PTPRD: variants seen among roughly 807,000 people sequenced by gnomAD.
The protein encoded by PTPRD is receptor-type tyrosine-protein phosphatase delta.
Under a neutral mutation model 214.5 loss-of-function variants are expected in PTPRD, and 34 were observed. That is an observed-to-expected ratio of 0.16 (90% CI 0.12 to 0.21). PTPRD has a LOEUF of 0.21. PTPRD is among the 10% of genes least tolerant of loss of function. The pLI is 1.00. For missense variants in PTPRD, 2,545 were observed against 2,398.7 expected, an observed-to-expected ratio of 1.06 and a Z score of -1.27; for synonymous variants, 1,128 against 845.7, an observed-to-expected ratio of 1.33 and a Z score of -5.79.
chr9:8,993,336 G>T (rs1407279502), intron 11 of PTPRD, among the ~76,000 whole-genome samples: 2 of 152,030 alleles, frequency 1.3e-5, no homozygotes, highest in Non-Finnish European at 1.5e-5. Flanking sequence ...GAAATTTAAA[G>T]GATTAAAATA....
chr9:9,167,173 A>T (rs2099905998), intron 10 of PTPRD, among the ~76,000 whole-genome samples: 1 of 152,012 alleles, frequency 6.6e-6, no homozygotes, highest in South Asian at 2.1e-4. Flanking sequence ...TTATTGTATT[A>T]TATTTGTTTA....
chr9:8,741,785 T>G (rs1320147079), intron 11 of PTPRD, among the ~76,000 whole-genome samples: 1 of 151,858 alleles, frequency 6.6e-6, no homozygotes, highest in Non-Finnish European at 1.5e-5. Context: ...GAGACAGGAT[T>G]TCACTATATT....
intron 8 of PTPRD, among the ~76,000 whole-genome samples, chr9:9,455,667 A>C (rs937078728): frequency 1.3e-5 from 2 of 151,736 alleles, no homozygotes; most frequent in Non-Finnish European, 3.0e-5. Flanking sequence ...GCTTTCCCAA[A>C]GAAGCAAAGA....
At chr9:9,056,270 G>T (rs563133375) in intron 10 of PTPRD, among the ~76,000 whole-genome samples, 1 of 152,236 alleles carries the variant, frequency 6.6e-6, no homozygotes, top group East Asian at 1.9e-4. Context: ...TACATTTATG[G>T]ATGATCAGAA....
chr9:8,728,778 G>A (rs2098618854), intron 12 of PTPRD, among the ~76,000 whole-genome samples: 1 of 152,052 alleles, frequency 6.6e-6, no homozygotes, highest in African/African-American at 2.4e-5. Flanking sequence ...TTCGAAGTTC[G>A]AGACCAGCCT....
At chr9:9,788,510 C>T (rs2154494186) in intron 5 of PTPRD, among the ~76,000 whole-genome samples, 1 of 147,428 alleles carries the variant, frequency 6.8e-6, no homozygotes, top group Admixed American at 6.8e-5. Flanking sequence ...CGAGATCGGG[C>T]CACGGCACTC....
chr9:9,748,611 C>A (rs549889703), intron 6 of PTPRD, among the ~76,000 whole-genome samples: 2 of 152,300 alleles, frequency 1.3e-5, no homozygotes, highest in Admixed American at 1.3e-4. Flanking sequence ...GAAGGAACTA[C>A]AACCAATTTC....
chr9:8,375,408 T>G (rs991327380), intron 39 of PTPRD, among the ~76,000 whole-genome samples: 1 of 152,064 alleles, frequency 6.6e-6, no homozygotes, highest in Admixed American at 6.6e-5. Flanking sequence ...TATATTCTAT[T>G]AAATACATTT....
Position 10,263,647 on chromosome 9 carries a change from G to A in PTPRD, c.-545+77316C>T, listed in dbSNP as rs191220835. Among the ~76,000 whole-genome samples, 479 of 152,228 alleles carry A rather than the reference G, an allele frequency of 3.1e-3. 1 individual carries two copies. The highest frequency in any genetic ancestry group is 4.8e-3 in the Non-Finnish European group (324 of 68,016). ...GTTCAAGAGGAAGCAAAAAATAAGA[G>A]TTTGGAAAATTTGCAGCCTGACAAT... On this transcript the variant is annotated intron_variant, in intron 3 of 45. Coordinates refer to ENST00000381196, the MANE Select transcript of PTPRD (RefSeq NM_002839.4).
intron 9 of PTPRD, among the ~76,000 whole-genome samples, chr9:9,346,633 T>C (rs2048910114): frequency 6.6e-6 from 1 of 152,156 alleles, no homozygotes; most frequent in Admixed American, 6.6e-5. Flanking sequence ...TCTATGTTTT[T>C]GAATTGTGCC....
intron 8 of PTPRD, among the ~76,000 whole-genome samples, chr9:9,570,300 T>C (rs192980833): frequency 1.4e-4 from 22 of 151,736 alleles, no homozygotes; most frequent in Admixed American, 1.3e-3. Context: ...GTCCAAATAA[T>C]GCACAGTAAT....
At chr9:8,957,599 T>C (rs931091756) in intron 11 of PTPRD, among the ~76,000 whole-genome samples, 1 of 151,908 alleles carries the variant, frequency 6.6e-6, no homozygotes, top group Non-Finnish European at 1.5e-5. Flanking sequence ...GCACGATTCC[T>C]TGTATCTTTA....
At chr9:10,487,396 C>G (rs1371421183) in intron 2 of PTPRD, among the ~76,000 whole-genome samples, 1 of 152,052 alleles carries the variant, frequency 6.6e-6, no homozygotes, top group Non-Finnish European at 1.5e-5. Flanking sequence ...CCTGTCTTCT[C>G]TTTAGTTAAG....
rs189611606 is a variant in PTPRD, at chr9:9,751,615, C to T, written c.-326+15195G>A. Among the ~76,000 whole-genome samples, 6 of 152,086 alleles carry T rather than the reference C, an allele frequency of 3.9e-5. No homozygotes were observed. In the East Asian group the frequency reaches 5.8e-4, roughly 15 times the overall value. On this transcript the variant is annotated intron_variant, in intron 6 of 45. Transcript: ENST00000381196. Reference sequence around the variant, plus strand: ...TGGACCACTTATCCAACATAACTAGCGTCCTTTTAAAAAGAATAACGTGAA... The same window carrying T: ...TGGACCACTTATCCAACATAACTAGTGTCCTTTTAAAAAGAATAACGTGAA...
intron 6 of PTPRD, among the ~76,000 whole-genome samples, chr9:9,747,375 C>A: frequency 6.6e-6 from 1 of 152,100 alleles, no homozygotes; most frequent in East Asian, 1.9e-4. Flanking sequence ...GCAACTCGTG[C>A]AGCACAGAAC....
chr9:9,704,702 T>C (rs922185036), intron 7 of PTPRD, among the ~76,000 whole-genome samples: 1 of 152,184 alleles, frequency 6.6e-6, no homozygotes, highest in African/African-American at 2.4e-5. Context: ...AGGAAAAAAA[T>C]CTGACTACCT....
intron 3 of PTPRD, among the ~76,000 whole-genome samples, chr9:10,183,108 C>T (rs984509959): frequency 3.9e-5 from 6 of 152,046 alleles, no homozygotes; most frequent in Non-Finnish European, 8.8e-5. Flanking sequence ...ATTTTAACTA[C>T]GACAACTTCT....
In PTPRD at chr9:10,503,977, G is replaced by A. The variant is rs200982678; in HGVS notation, c.-600+108421C>T. 3.8e-4 allele frequency among the ~76,000 whole-genome samples: 58 copies of A among 151,234 alleles called. 1 individual carries two copies. Among genetic ancestry groups the A allele is most frequent in the Admixed American group, 1.2e-3 (18 of 15,174 alleles). On this transcript the variant is annotated intron_variant, in intron 2 of 45. Transcript: ENST00000381196. ...TAAAAATACAAAAAATTAGCCGGGC[G>A]TGGTGGCGGGCGCCTGTAGTCCCAG...
intron 8 of PTPRD, among the ~76,000 whole-genome samples, chr9:9,490,979 G>A (rs1453973612): frequency 1.2e-5 from 1 of 81,894 alleles, no homozygotes; most frequent in East Asian, 4.2e-4. Context: ...AAATATAAAT[G>A]AACATTGTCT....
Sources: allele counts gnomAD v4.1 joint callset (sites outside exome capture counted in the v4.1 genomes callset), GRCh38; gene constraint gnomAD v4.1.1; transcripts MANE v1.5; gene names NCBI Gene and HGNC (gene_info 2026-07-23, HGNC 2026-07-21).